The following SH3TC1 variants were observed in gnomAD, a reference collection of about 807,000 sequenced individuals.
SH3TC1 encodes the protein SH3 domain and tetratricopeptide repeats 1, also known as SH3 domain and tetratricopeptide repeat-containing protein 1.
In SH3TC1, 135 loss-of-function variants were observed where a neutral mutation model predicts 117.3. The observed-to-expected ratio is 1.15, with a 90% CI of 1.00 to 1.33. SH3TC1 has a LOEUF of 1.33. SH3TC1 is among the 40% of genes most tolerant of loss of function. The pLI is 0.00. For synonymous variants in SH3TC1, 898 were observed against 816.9 expected (o/e 1.10, Z -1.69); for missense variants, 2,092 against 1,794.3 (o/e 1.17, Z -3.00).
intron 13 of SH3TC1, 178 bp downstream of exon 13, chr4:8,232,334 C>G: frequency 6.5e-7 from 1 of 1,532,242 alleles, no homozygotes. Flanking sequence ...CTGCTGATGA[C>G]CCGTGAGTCC....
At chr4:8,182,525 G>T (rs915170280) in intron 1 of SH3TC1, among the ~76,000 whole-genome samples, 2 of 152,180 alleles carry the variant, frequency 1.3e-5, no homozygotes, top group African/African-American at 2.4e-5. Flanking sequence ...CCAGGATCCC[G>T]ACGACTGGGC....
intron 1 of SH3TC1, among the ~76,000 whole-genome samples, chr4:8,189,591 T>C (rs910322323): frequency 6.6e-6 from 1 of 152,108 alleles, no homozygotes; most frequent in Non-Finnish European, 1.5e-5. Context: ...AAGGATGGCT[T>C]GGATGTAACC....
At chr4:8,207,965 T>G (rs556960182) in intron 2 of SH3TC1, among the ~76,000 whole-genome samples, 119 of 152,322 alleles carry the variant, frequency 7.8e-4, no homozygotes, top group Non-Finnish European at 1.3e-3. Context: ...CCAGCGACCA[T>G]GACACAGGGT....
In SH3TC1 at chr4:8,228,084, G is replaced by C; in HGVS notation, c.2390G>C (p.Ser797Thr). ...PLYTSLAQLYSHHGCHGPAIT... is the reference protein window; with the variant it reads ...PLYTSLAQLYTHHGCHGPAIT... ...TACACCAGCTTGGCCCAGCTGTACA[G>C]CCACCATGGCTGCCACGGCCCGGCC... The change falls in exon 12 of 18, where the codon AGC becomes ACC. Residue 797 changes from serine to threonine, a missense_variant. By Grantham distance (58) the Ser-to-Thr change is moderately conservative (BLOSUM62 1). Coordinates refer to ENST00000245105, the MANE Select transcript of SH3TC1 (RefSeq NM_018986.5). 6.2e-7 allele frequency: 1 copy of C among 1,608,134 alleles called. No individual in the cohort carries two copies. Among genetic ancestry groups the C allele is most frequent in the Admixed American group, 1.7e-5 (1 of 59,808 alleles).
At chr4:8,219,253 G>C in intron 8 of SH3TC1, 82 bp from the exon 9 acceptor site, 3 of 1,375,938 alleles carry the variant, frequency 2.2e-6, no homozygotes, top group Non-Finnish European at 3.0e-6. Context: ...CCATGGTTCA[G>C]GGTGGCTGGC....
upstream of SH3TC1, among the ~76,000 whole-genome samples, chr4:8,198,834 C>T (rs1281467867): frequency 6.6e-6 from 1 of 152,226 alleles, no homozygotes; most frequent in African/African-American, 2.4e-5. Flanking sequence ...TGTGCCTGTC[C>T]ATGTGTGCAC....
rs1246074075 is a variant in SH3TC1 at position 8,205,017 on chromosome 4, G to A, written c.-28-150G>A. On this transcript the variant is annotated intron_variant, in intron 1 of 17. Transcript: ENST00000245105. This position sits in a 1 kb window ranked among gnomAD's most constrained non-coding sequence, Gnocchi z 5.4. Reference sequence around the variant, plus strand: ...GCGGGATCACGCCCACCACAACACGGTGCACGGTGCGGTGAGGGGCTCGCT... The same window carrying A: ...GCGGGATCACGCCCACCACAACACGATGCACGGTGCGGTGAGGGGCTCGCT... 3 of 560,298 alleles carry A rather than the reference G, an allele frequency of 5.4e-6. No individual in the cohort carries two copies. The highest frequency in any genetic ancestry group is 8.9e-6 in the Non-Finnish European group (3 of 337,586). 34.7% of individuals were successfully genotyped at this position (560,298 alleles called of 1,614,324 possible). A position where few individuals can be genotyped will look rare whatever the true frequency, so the allele number is the denominator to read the frequency against.
chr4:8,237,730 C>A (rs1578758245), intron 17 of SH3TC1, 60 bp downstream of exon 17: 6 of 1,503,444 alleles, frequency 4.0e-6, no homozygotes, highest in African/African-American at 1.4e-5. Flanking sequence ...GGATCTCCAC[C>A]CAGACCCCTG....
At chr4:8,236,540 C>T (rs937731411) in intron 16 of SH3TC1, 112 bp downstream of exon 16, 6 of 1,361,694 alleles carry the variant, frequency 4.4e-6, no homozygotes, top group African/African-American at 1.5e-5. Flanking sequence ...GTCTCCTGTC[C>T]AGGCAGGCAC....
In SH3TC1 at chr4:8,205,799, G is replaced by C; in HGVS notation, c.172+433G>C. The C allele has an allele frequency of 1.6e-6, 1 of 607,418 alleles. No individual in the cohort carries two copies. The highest frequency in any genetic ancestry group is 2.9e-6 in the Non-Finnish European group (1 of 339,038). 37.6% of individuals were successfully genotyped at this position (607,418 alleles called of 1,614,324 possible). ...CCAGGCCACCCTGTGGTCAGGGGCC[G>C]GGCCAGGACGTGTGCCCAGTTTCCT... On this transcript the variant is annotated intron_variant, in intron 2 of 17. Transcript: ENST00000245105. This position sits in a 1 kb window ranked among gnomAD's most constrained non-coding sequence, Gnocchi z 5.4.
In SH3TC1 at chr4:8,216,980, G is replaced by T; in HGVS notation, c.652G>T (p.Asp218Tyr). The change falls in exon 7 of 18, where the codon GAC becomes TAC. Residue 218 changes from aspartate (D) to tyrosine (Y), a missense_variant. By Grantham distance (160) the Asp-to-Tyr change is radical. Coordinates refer to ENST00000245105, the MANE Select transcript of SH3TC1 (RefSeq NM_018986.5). Reference protein sequence around the residue: ...QEGPFFVLCPDHHVRVMTGPR... With the variant: ...QEGPFFVLCPYHHVRVMTGPR... ...AGGGCCCTTCTTTGTCCTGTGTCCTGACCACCATGTGAGAGTGATGACGGG... is the reference window on the plus strand; with the variant it reads ...AGGGCCCTTCTTTGTCCTGTGTCCTTACCACCATGTGAGAGTGATGACGGG... 1 of 1,614,052 alleles carries T rather than the reference G, an allele frequency of 6.2e-7. No individual in the cohort carries two copies. The highest frequency in any genetic ancestry group is 2.2e-5 in the East Asian group (1 of 44,876).
At chr4:8,230,378 C>T (rs1721079821) in intron 12 of SH3TC1, among the ~76,000 whole-genome samples, 1 of 152,130 alleles carries the variant, frequency 6.6e-6, no homozygotes, top group Non-Finnish European at 1.5e-5. Flanking sequence ...TCAAGCGATC[C>T]TCCCACCTCG....
Position 8,232,655 on chromosome 4 carries a change from G to A in SH3TC1, c.3131+499G>A, listed in dbSNP as rs555809078. 5 of 1,294,526 alleles carry A rather than the reference G, an allele frequency of 3.9e-6. No individual in the cohort carries two copies. In the African/African-American group the frequency reaches 4.5e-5, roughly 12 times the overall value. The allele number at this position is 1,294,526 out of a possible 1,614,324, so 80.2% of individuals were successfully genotyped here. A position where few individuals can be genotyped will look rare whatever the true frequency, so the allele number is the denominator to read the frequency against. ...CACATGTGGCCCACTTGGCTCTCCTGGAGCATCCTGACCTGGTGGGGTAAC... is the reference window on the plus strand; with the variant it reads ...CACATGTGGCCCACTTGGCTCTCCTAGAGCATCCTGACCTGGTGGGGTAAC... On this transcript the variant is annotated intron_variant, in intron 13 of 17. Coordinates refer to ENST00000245105, the MANE Select transcript of SH3TC1 (RefSeq NM_018986.5).
At chr4:8,219,592 GC>G in intron 9 of SH3TC1, 62 bp downstream of exon 9, 2 of 1,409,452 alleles carry the variant, frequency 1.4e-6, no homozygotes, top group South Asian at 3.0e-5. Flanking sequence ...AGGGGACGTT[GC>G]TGCGTCCACC....
intron 3 of SH3TC1, among the ~76,000 whole-genome samples, 157 bp from the exon 4 acceptor site, chr4:8,212,544 T>C (rs1160713681): frequency 2.0e-5 from 3 of 152,070 alleles, no homozygotes; most frequent in Non-Finnish European, 4.4e-5. Context: ...TGGGGCAAGG[T>C]TGAGATCTAA....
chr4:8,232,092 A>G lies in SH3TC1; in HGVS notation c.3067A>G (p.Lys1023Glu). ...QLSLACKVADKVLEGQLLETI... is the reference protein window; with the variant it reads ...QLSLACKVADEVLEGQLLETI... ...CTCCCTGGCCTGCAAGGTGGCCGAC[A>G]AGGTGCTGGAGGGGCAGCTCCTGGA... is the stretch of plus-strand genomic sequence containing the variant. Residue 1023 changes from lysine to glutamate, a missense_variant, in exon 13 of 18, where the codon AAG becomes GAG. Transcript: ENST00000245105. 6.2e-7 allele frequency: 1 copy of G among 1,612,550 alleles called. No homozygotes were observed. The highest frequency in any genetic ancestry group is 8.5e-7 in the Non-Finnish European group (1 of 1,179,664).
Position 8,214,552 on chromosome 4 carries a change from C to T in SH3TC1, c.453C>T (p.Ile151=). 1 of 1,613,976 alleles carries T rather than the reference C, an allele frequency of 6.2e-7. No homozygotes were observed. Among genetic ancestry groups the T allele is most frequent in the Non-Finnish European group, 8.5e-7 (1 of 1,179,988 alleles). ...IVVTFKTFEE[I]WKFSTYHALG... The stretch of plus-strand genomic sequence containing the variant: ...TGACGTTTAAGACTTTTGAAGAAAT[C>T]TGGAAGTTTTCCACCTACCATGCTC... The change falls in exon 5 of 18, where the codon ATC becomes ATT. Residue 151 remains isoleucine, a synonymous_variant. Coordinates refer to ENST00000245105, the MANE Select transcript of SH3TC1 (RefSeq NM_018986.5).
In SH3TC1 at chr4:8,190,591, C is replaced by G. The variant is rs1010360575; in HGVS notation, c.-57+8381C>G. ...GTGCACTCTCTCGGTCACCCACACC[C>G]CACCAGCCGGCTGGTCCACAGGGTG... On this transcript the variant is annotated intron_variant, in intron 1 of 16. Transcript: ENST00000508641. The surrounding 1 kb of genome is among the most constrained non-coding windows in gnomAD (Gnocchi z 4.7). Among the ~76,000 whole-genome samples, 1 of 152,166 alleles carries G rather than the reference C, an allele frequency of 6.6e-6. No individual in the cohort carries two copies. Among genetic ancestry groups the G allele is most frequent in the African/African-American group, 2.4e-5 (1 of 41,434 alleles).
At chr4:8,238,581 C>T (rs541291664) in intron 17 of SH3TC1, among the ~76,000 whole-genome samples, 2 of 152,248 alleles carry the variant, frequency 1.3e-5, no homozygotes, top group African/African-American at 2.4e-5. Context: ...CCGTATCCCC[C>T]GCGGCAGGCC....
Sources: gnomAD v4.1 joint callset for allele counts (sites outside exome capture counted in the v4.1 genomes callset) on GRCh38, gnomAD v4.1.1 for gene constraint, Gnocchi (gnomAD v3.1) non-coding constraint, MANE v1.5 for transcripts, NCBI Gene and HGNC (gene_info 2026-07-23, HGNC 2026-07-21) for gene names.